The following OAS2 variants were observed in gnomAD, a reference collection of about 807,000 sequenced individuals.
OAS2 encodes 2'-5'-oligoadenylate synthase 2.
In OAS2, 67 loss-of-function variants were observed where a neutral mutation model predicts 71.3. That is an observed-to-expected ratio of 0.94 (90% confidence interval 0.77 to 1.15). The LOEUF is 1.15. OAS2 is among the 50% of genes most tolerant of loss of function. The pLI is 0.00. For missense variants in OAS2, 789 were observed against 822.5 expected (o/e 0.96, Z 0.50); for synonymous variants, 327 against 321.8 (o/e 1.02, Z -0.17).
rs1279074905 is a variant in OAS2 at position 113,001,465 on chromosome 12, TACATATATAC to T, written c.1009-1447_1009-1438del. On this transcript the variant is annotated intron_variant, in intron 5 of 9. Transcript: ENST00000392583. ...ACATATATACATATATACACATATA[TACATATATAC>T]ACATATATACACATATATATACACA... Among the ~76,000 whole-genome samples, 729 of 148,400 alleles carry T rather than the reference TACATATATAC, an allele frequency of 4.9e-3. 5 individuals carry two copies. Among genetic ancestry groups the T allele is most frequent in the African/African-American group, 0.011 (428 of 40,578 alleles).
chr12:112,996,625 G>C (rs2044235157), intron 3 of OAS2, among the ~76,000 whole-genome samples: 1 of 152,098 alleles, frequency 6.6e-6, no homozygotes, highest in South Asian at 2.1e-4. Flanking sequence ...GGCAGCTCAT[G>C]TTTAAGAGCC....
At chr12:112,986,902 G>A in intron 1 of OAS2, 136 bp from the exon 2 acceptor site, 1 of 1,171,822 alleles carries the variant, frequency 8.5e-7, no homozygotes, top group Non-Finnish European at 1.2e-6. Context: ...AGGTCTTTGT[G>A]GGGCAAATGG....
intron 2 of OAS2, among the ~76,000 whole-genome samples, chr12:112,992,382 T>C (rs1293677042): frequency 7.8e-6 from 1 of 128,836 alleles, no homozygotes. Flanking sequence ...CGGAGCAAGA[T>C]CTTGTCAAAA....
chr12:112,990,819 G>A (rs780751166), intron 2 of OAS2, among the ~76,000 whole-genome samples: 6 of 152,096 alleles, frequency 3.9e-5, no homozygotes, highest in Non-Finnish European at 7.4e-5. Flanking sequence ...AGTGTTTGTC[G>A]ATTGTGCCTG....
intron 2 of OAS2, 120 bp downstream of exon 2, chr12:112,987,428 T>C (rs1181297008): frequency 1.4e-6 from 2 of 1,481,152 alleles, no homozygotes; most frequent in Admixed American, 2.5e-5. Context: ...TGGGAGACCA[T>C]AGACCCTCAG....
chr12:113,004,847 C>A (rs2136393211), intron 6 of OAS2, 87 bp from the exon 7 acceptor site: 2 of 1,370,920 alleles, frequency 1.5e-6, no homozygotes, highest in East Asian at 4.6e-5. Flanking sequence ...GAAACAGTGT[C>A]AGTTAGCCCA....
At chr12:112,979,399 C>T (rs2044058699) in intron 1 of OAS2, among the ~76,000 whole-genome samples, 1 of 152,154 alleles carries the variant, frequency 6.6e-6, no homozygotes, top group African/African-American at 2.4e-5. Context: ...CTGCTGACGT[C>T]CCTTCTCTGC....
At chr12:113,001,313 A>G (rs2044284649) in intron 5 of OAS2, among the ~76,000 whole-genome samples, 1 of 151,872 alleles carries the variant, frequency 6.6e-6, no homozygotes, top group Admixed American at 6.6e-5. Flanking sequence ...GTGACAGAAC[A>G]AGACCCTGTC....
chr12:112,997,490 A>G, intron 3 of OAS2, 30 bp from the exon 4 acceptor site: 1 of 1,585,724 alleles, frequency 6.3e-7, no homozygotes, highest in East Asian at 2.2e-5. Flanking sequence ...AGATCCCCCA[A>G]TGAGCTGCTA....
rs1592821690 is a variant in OAS2 at position 113,009,902 on chromosome 12, C to T, written c.*647C>T. 1.0e-6 allele frequency: 1 copy of T among 987,150 alleles called. No homozygotes were observed. The highest frequency in any genetic ancestry group is 1.2e-6 in the Non-Finnish European group (1 of 831,260). 61.1% of individuals were successfully genotyped at this position (987,150 alleles called of 1,614,324 possible). A position where few individuals can be genotyped will look rare whatever the true frequency, so the allele number is the denominator to read the frequency against. On this transcript the variant is annotated 3_prime_UTR_variant, in exon 10 of 10. Coordinates refer to ENST00000392583, the MANE Select transcript of OAS2 (RefSeq NM_002535.3). ...ACCTGATATATTCCACCAGGATATC[C>T]TCCCTCCAGATATACTTGGTTCTCT...
intron 2 of OAS2, chr12:112,988,597 A>AAACAT: frequency 1.0e-6 from 1 of 984,948 alleles, no homozygotes; most frequent in Non-Finnish European, 1.2e-6. Flanking sequence ...ATATGTAAGG[A>AAACAT]GGCAGCTTTA....
chr12:112,978,689 C>A lies in OAS2; in HGVS notation c.81C>A (p.Tyr27Ter), dbSNP rs1354908811. 6.2e-7 allele frequency: 1 copy of A among 1,614,130 alleles called. No individual in the cohort carries two copies. The highest frequency in any genetic ancestry group is 2.2e-5 in the East Asian group (1 of 44,874). The change falls in exon 1 of 10, where the codon TAC becomes TAA. Residue 27 changes from tyrosine to a stop codon, truncating the protein, a stop_gained. Coordinates refer to ENST00000392583, the MANE Select transcript of OAS2 (RefSeq NM_002535.3). LOFTEE classifies it high-confidence loss of function. The surrounding 1 kb of genome is among the most constrained non-coding windows in gnomAD (Gnocchi z 4.2). ...TTATCCAGGAATACCTGAAGCCCTA[C>A]GAAGAATGTCAGACACTGATCGACG... ...GWFIQEYLKP[Y>*]EECQTLIDEM...
At position 113,005,200 on chromosome 12, in the gene OAS2, G is replaced by A. The variant is rs1243622175; in HGVS notation, c.1446G>A (p.Val482=). The change falls in exon 7 of 10, where the codon GTG becomes GTA. Residue 482 remains valine, a synonymous_variant. Coordinates refer to ENST00000392583, the MANE Select transcript of OAS2 (RefSeq NM_002535.3). ...TCAACGAAAGTGTCAGCTTTGATGT[G>A]CTTCCTGCCTTTAATGCACTGGGTA... is the stretch of plus-strand genomic sequence containing the variant. The part of the protein sequence containing the change: ...KVLNESVSFD[V]LPAFNALGQL... The A allele has an allele frequency of 6.2e-7, 1 of 1,613,768 alleles. No individual in the cohort carries two copies. The highest frequency in any genetic ancestry group is 8.5e-7 in the Non-Finnish European group (1 of 1,179,814).
Position 112,987,219 on chromosome 12 carries a change from T to A in OAS2, c.359T>A (p.Ile120Asn), listed in dbSNP as rs1300534346. ...AAGTGGTTGAAAAACAATTTCGAGA[T>A]CCAGAAGTCCCTTGATGGGTTCACC... ...FTKWLKNNFE[I>N]QKSLDGFTIQ... The change falls in exon 2 of 10, where the codon ATC becomes AAC. Residue 120 changes from isoleucine (I) to asparagine (N), a missense_variant. Coordinates refer to ENST00000392583, the MANE Select transcript of OAS2 (RefSeq NM_002535.3). The A allele has an allele frequency of 1.1e-5, 18 of 1,614,150 alleles. No homozygotes were observed. The highest frequency in any genetic ancestry group is 1.5e-5 in the Non-Finnish European group (18 of 1,180,036).
chr12:113,009,395 C>G lies in OAS2; in HGVS notation c.*140C>G, dbSNP rs1592821323. On this transcript the variant is annotated 3_prime_UTR_variant, in exon 10 of 10. Coordinates refer to ENST00000392583, the MANE Select transcript of OAS2 (RefSeq NM_002535.3). ...TTAAACAGCTGGTCAGCCCCCTAAG[C>G]CCCCACTACAAGTGATCCTCAGGCA... is the stretch of plus-strand genomic sequence containing the variant. 1 of 858,342 alleles carries G rather than the reference C, an allele frequency of 1.2e-6. No homozygotes were observed. Among genetic ancestry groups the G allele is most frequent in the East Asian group, 7.8e-5 (1 of 12,786 alleles). 53.2% of individuals were successfully genotyped at this position (858,342 alleles called of 1,614,324 possible).
rs937528585 is a variant in OAS2 at position 113,010,689 on chromosome 12, C to T, written c.*1434C>T. ...GCCTGCCTTTAAAAATAGTTGCTGT[C>T]ATCCACTTTATGTGCATCTTATTTC... On this transcript the variant is annotated 3_prime_UTR_variant, in exon 10 of 10. Transcript: ENST00000392583. 8 of 559,144 alleles carry T rather than the reference C, an allele frequency of 1.4e-5. No individual in the cohort carries two copies. The highest frequency in any genetic ancestry group is 2.2e-5 in the Non-Finnish European group (8 of 360,852). 34.6% of individuals were successfully genotyped at this position (559,144 alleles called of 1,614,324 possible).
Position 113,006,576 on chromosome 12 carries a change from C to G in OAS2, c.1632C>G (p.Arg544=), listed in dbSNP as rs779018925. 4 of 1,607,404 alleles carry G rather than the reference C, an allele frequency of 2.5e-6. No homozygotes were observed. The highest frequency in any genetic ancestry group is 2.6e-6 in the Non-Finnish European group (3 of 1,175,024). The change falls in exon 8 of 10, where the codon CGC becomes CGG. Residue 544 remains arginine (R), a synonymous_variant. Transcript: ENST00000392583. ...CCACCAAACTAAAGGATTTAATTCG[C>G]CTGGTGAAGCACTGGTACAAAGAGG... is the stretch of plus-strand genomic sequence containing the variant. ...SRPTKLKDLI[R]LVKHWYKECE...
intron 4 of OAS2, 93 bp from the exon 5 acceptor site, chr12:112,998,173 G>T: frequency 1.4e-6 from 2 of 1,381,802 alleles, no homozygotes; most frequent in Admixed American, 2.3e-5. Context: ...AATTCAAGTT[G>T]CCGGATTCCC....
chr12:113,004,823 A>T, intron 6 of OAS2, 111 bp from the exon 7 acceptor site: 1 of 1,043,136 alleles, frequency 9.6e-7, no homozygotes. Context: ...ACCCTAACGC[A>T]GAACTTGGCC....
Sources: allele counts gnomAD v4.1 joint callset (sites outside exome capture counted in the v4.1 genomes callset), GRCh38; gene constraint gnomAD v4.1.1; non-coding constraint Gnocchi (gnomAD v3.1); transcripts MANE v1.5; gene names NCBI Gene and HGNC (gene_info 2026-07-23, HGNC 2026-07-21).